The following MYOM3 variants were observed in gnomAD, a reference collection of about 807,000 sequenced individuals.
MYOM3 encodes myomesin 3, also known as myomesin-3.
Under a neutral mutation model 191.7 loss-of-function variants are expected in MYOM3, and 155 were observed. That is an observed-to-expected ratio of 0.81 (90% CI 0.71 to 0.92). The LOEUF (loss-of-function observed/expected upper bound fraction) is 0.92. Ranked by LOEUF, MYOM3 falls within the 40% of genes least tolerant of loss-of-function variation. The pLI is 0.00. For synonymous variants in MYOM3, 757 were observed against 762.9 expected (o/e 0.99, Z 0.13); for missense variants, 1,889 against 1,890.6 (o/e 1.00, Z 0.02).
chr1:24,093,004 C>G lies in MYOM3; in HGVS notation c.1033G>C (p.Val345Leu). The G allele has an allele frequency of 6.2e-7, 1 of 1,612,276 alleles. No homozygotes were observed. Reference protein sequence around the residue: ...TYKEDEGLYMVRVPSPFGPRE... With the variant: ...TYKEDEGLYMLRVPSPFGPRE... ...GGTCCGAAGGGCGAGGGCACCCGGACCATGTAGAGCCCCTCGTCCTCCTTG... is the reference window on the plus strand; with the variant it reads ...GGTCCGAAGGGCGAGGGCACCCGGAGCATGTAGAGCCCCTCGTCCTCCTTG... The change falls in exon 10 of 37, where the codon GTC (valine) becomes CTC (leucine). Residue 345 changes from valine (V) to leucine (L), a missense_variant. Transcript: ENST00000374434.
In MYOM3 at chr1:24,063,103, G is replaced by T. The variant is rs1461322759; in HGVS notation, c.3770+23C>A. On this transcript the variant is annotated intron_variant, in intron 32 of 36. Transcript: ENST00000374434. This position sits in a 1 kb window ranked among gnomAD's most constrained non-coding sequence, Gnocchi z 4.5. ...CTGAATCCTTTCCAGCCTGGCTGGG[G>T]TTCTGGGGCAAGGCGGACTTACTTG... 6.5e-7 allele frequency: 1 copy of T among 1,546,478 alleles called. No individual in the cohort carries two copies. Among genetic ancestry groups the T allele is most frequent in the Non-Finnish European group, 8.9e-7 (1 of 1,119,716 alleles).
rs756936861 is a variant in MYOM3 at position 24,068,386 on chromosome 1, A to G, written c.3151-19T>C. On this transcript the variant is annotated intron_variant, in intron 25 of 36. Coordinates refer to ENST00000374434, the MANE Select transcript of MYOM3 (RefSeq NM_152372.4). ...TGCGGTTCTGAAAAGGACAAACTCC[A>G]GAGTCCTTTTCCCTGTTCTGGGAAC... 3.7e-6 allele frequency: 6 copies of G among 1,613,856 alleles called. No homozygotes were observed. The highest frequency in any genetic ancestry group is 1.3e-5 in the African/African-American group (1 of 74,922).
chr1:24,061,728 C>T (rs905969963), intron 33 of MYOM3, among the ~76,000 whole-genome samples: 3 of 151,958 alleles, frequency 2.0e-5, no homozygotes, highest in African/African-American at 7.3e-5. Context: ...TATAGGCAGG[C>T]GTCACCATGC....
At chr1:24,082,525 G>C (rs563626720) in intron 17 of MYOM3, 68 bp downstream of exon 17, 17 of 1,496,096 alleles carry the variant, frequency 1.1e-5, no homozygotes, top group Non-Finnish European at 1.4e-5. Context: ...TCCAAGATGT[G>C]ATCTATGAGC....
Position 24,080,619 on chromosome 1 carries a change from G to A in MYOM3, c.2408-425C>T, listed in dbSNP as rs371943394. On this transcript the variant is annotated intron_variant, in intron 19 of 36. Transcript: ENST00000374434. The stretch of plus-strand genomic sequence containing the variant: ...TTAGCCTCTTTGTTCCTGTCCCCTC[G>A]TCTGTAAAATGGGGATAATAATAGC... Among the ~76,000 whole-genome samples, 31 of 152,238 alleles carry A rather than the reference G, an allele frequency of 2.0e-4. No homozygotes were observed. In the East Asian group the frequency reaches 2.1e-3, roughly 10 times the overall value.
intron 11 of MYOM3, among the ~76,000 whole-genome samples, chr1:24,091,367 CAGTT>C (rs1188651318): frequency 6.6e-6 from 1 of 152,194 alleles, no homozygotes; most frequent in Non-Finnish European, 1.5e-5. Context: ...CAAGGTCACA[CAGTT>C]AGGATTTACC....
intron 17 of MYOM3, 134 bp from the exon 18 acceptor site, chr1:24,082,322 G>T: frequency 1.1e-6 from 1 of 946,092 alleles, no homozygotes; most frequent in Non-Finnish European, 1.6e-6. Context: ...TGAGCCAGTA[G>T]TATCTGTGCC....
intron 11 of MYOM3, among the ~76,000 whole-genome samples, chr1:24,091,948 G>A (rs940894917): frequency 5.3e-5 from 8 of 152,186 alleles, no homozygotes; most frequent in South Asian, 2.1e-4. Flanking sequence ...GGCAGTGGCC[G>A]ACTCCAGCAT....
intron 6 of MYOM3, among the ~76,000 whole-genome samples, chr1:24,098,420 C>T (rs968271986): frequency 1.3e-5 from 2 of 152,214 alleles, no homozygotes; most frequent in African/African-American, 4.8e-5. Context: ...CAAACTTGGT[C>T]AAGGCAGGCT....
chr1:24,094,745 G>C, intron 9 of MYOM3, 108 bp downstream of exon 9: 1 of 1,100,746 alleles, frequency 9.1e-7, no homozygotes, highest in Non-Finnish European at 1.3e-6. Context: ...TAGCACAGTT[G>C]GTACTGGTTG....
rs201259107 is a variant in MYOM3 at position 24,080,168 on chromosome 1, C to T, written c.2434G>A (p.Glu812Lys). The change falls in exon 20 of 37, where the codon GAG becomes AAG. Residue 812 changes from glutamate to lysine, a missense_variant. Coordinates refer to ENST00000374434, the MANE Select transcript of MYOM3 (RefSeq NM_152372.4). ...PGPPYDVRAS[E>K]VRATSLVLQW... ...AGCACCAGGGATGTGGCCCGCACCT[C>T]GGATGCCCGTACATCGTACGGGGGG... is the stretch of plus-strand genomic sequence containing the variant. The T allele has an allele frequency of 9.9e-6, 16 of 1,613,242 alleles. No homozygotes were observed. Among genetic ancestry groups the T allele is most frequent in the African/African-American group, 5.3e-5 (4 of 74,832 alleles).
At position 24,065,934 on chromosome 1, in the gene MYOM3, T is replaced by A; in HGVS notation, c.3491A>T (p.Gln1164Leu). Residue 1164 changes from glutamine to leucine, a missense_variant, in exon 29 of 37, where the codon CAG (glutamine) becomes CTG (leucine). By Grantham distance (113) the Gln-to-Leu change is moderately radical (BLOSUM62 -2). Coordinates refer to ENST00000374434, the MANE Select transcript of MYOM3 (RefSeq NM_152372.4). The part of the protein sequence containing the change: ...FFQRAEMPDG[Q>L]YDPETGTGLL... ...TCCCGTTCCCGTCTCTGGGTCATAC[T>A]GACCATCTGGCATCTCTGCCCTCTG... 1 of 1,614,142 alleles carries A rather than the reference T, an allele frequency of 6.2e-7. No homozygotes were observed.
At chr1:24,079,924 G>C (rs1643645756) in intron 20 of MYOM3, 92 bp downstream of exon 20, 2 of 1,152,808 alleles carry the variant, frequency 1.7e-6, no homozygotes, top group South Asian at 1.6e-5. Flanking sequence ...CATTAAGTGA[G>C]AGCAGTGATG....
intron 11 of MYOM3, among the ~76,000 whole-genome samples, chr1:24,091,874 A>G (rs1643842900): frequency 6.6e-6 from 1 of 152,096 alleles, no homozygotes; most frequent in South Asian, 2.1e-4. Flanking sequence ...CCACGAATTC[A>G]CTGTGCTCAG....
intron 9 of MYOM3, among the ~76,000 whole-genome samples, chr1:24,094,652 A>C (rs58488685): frequency 6.6e-6 from 1 of 152,144 alleles, no homozygotes; most frequent in African/African-American, 2.4e-5. Flanking sequence ...GGCACCCCAC[A>C]GATGCTTGGT....
intron 35 of MYOM3, among the ~76,000 whole-genome samples, chr1:24,059,640 C>T (rs558438120): frequency 1.1e-4 from 17 of 152,326 alleles, no homozygotes; most frequent in Middle Eastern, 3.4e-3. Flanking sequence ...ATCCACACAA[C>T]GGGTGTGACC....
Position 24,063,246 on chromosome 1 carries a change from G to A in MYOM3, c.3662-12C>T. ...AGTTGCAGAGAGGGCTGGGGAGACA[G>A]AGGAGAAGGATGAATCTTCCCTGAG... On this transcript the variant is annotated splice_polypyrimidine_tract_variant and intron_variant, in intron 31 of 36. Coordinates refer to ENST00000374434, the MANE Select transcript of MYOM3 (RefSeq NM_152372.4). The surrounding 1 kb of genome is among the most constrained non-coding windows in gnomAD (Gnocchi z 4.5). 1.2e-6 allele frequency: 2 copies of A among 1,605,886 alleles called. No homozygotes were observed. Among genetic ancestry groups the A allele is most frequent in the Non-Finnish European group, 1.7e-6 (2 of 1,172,630 alleles).
At chr1:24,078,559 A>T (rs1271739049) in intron 20 of MYOM3, among the ~76,000 whole-genome samples, 1 of 152,182 alleles carries the variant, frequency 6.6e-6, no homozygotes, top group Admixed American at 6.5e-5. Flanking sequence ...CTCCCTAATG[A>T]AATGTTGATG....
In MYOM3 at chr1:24,087,852, C is replaced by T. The variant is rs1027667451; in HGVS notation, c.1615-1025G>A. Reference sequence around the variant, plus strand: ...GGCCAAGAACAGGACTGGCACATAGCAGGTGCTCCATCTATGTTTCTGGGA... The same window carrying T: ...GGCCAAGAACAGGACTGGCACATAGTAGGTGCTCCATCTATGTTTCTGGGA... On this transcript the variant is annotated intron_variant, in intron 14 of 36. Transcript: ENST00000374434. The surrounding 1 kb of genome is among the most constrained non-coding windows in gnomAD (Gnocchi z 4.5). Among the ~76,000 whole-genome samples, 1 of 152,218 alleles carries T rather than the reference C, an allele frequency of 6.6e-6. No individual in the cohort carries two copies. The highest frequency in any genetic ancestry group is 6.5e-5 in the Admixed American group (1 of 15,274).
Sources: allele counts gnomAD v4.1 joint callset (sites outside exome capture counted in the v4.1 genomes callset), GRCh38; gene constraint gnomAD v4.1.1; non-coding constraint Gnocchi (gnomAD v3.1); transcripts MANE v1.5; gene names NCBI Gene and HGNC (gene_info 2026-07-23, HGNC 2026-07-21).